The following SECTM1 variants were observed in gnomAD, a reference collection of about 807,000 sequenced individuals.
SECTM1 encodes secreted and transmembrane 1.
A neutral mutation model predicts 18.1 loss-of-function variants in SECTM1; 10 were observed. The observed-to-expected ratio is 0.55, with a 90% CI of 0.34 to 0.94. The LOEUF is 0.94. Among genes scored for constraint, SECTM1 ranks in the 40% least tolerant of loss-of-function variants. SECTM1 has a pLI of 0.02. For synonymous variants in SECTM1, 137 were observed against 139.2 expected (o/e 0.98, Z 0.11); for missense variants, 297 against 322.6 (o/e 0.92, Z 0.61).
chr17:82,332,785 C>T (rs955907659), intron 1 of SECTM1, among the ~76,000 whole-genome samples: 3 of 152,206 alleles, frequency 2.0e-5, no homozygotes, highest in African/African-American at 7.2e-5. Flanking sequence ...GTCCCCTCTG[C>T]TGGTGGCCTC....
chr17:82,323,821 G>C (rs2052120225), intron 3 of SECTM1, among the ~76,000 whole-genome samples: 2 of 151,838 alleles, frequency 1.3e-5, no homozygotes, highest in Non-Finnish European at 2.9e-5. Flanking sequence ...CCTGTGTCGG[G>C]GGAGCTGAGG....
chr17:82,325,319 GC>G lies in SECTM1; in HGVS notation c.95-430del, dbSNP rs1240986678. 3.9e-5 allele frequency among the ~76,000 whole-genome samples: 6 copies of G among 152,304 alleles called. No individual in the cohort carries two copies. The highest frequency in any genetic ancestry group is 8.8e-5 in the Non-Finnish European group (6 of 68,020). The stretch of plus-strand genomic sequence containing the variant: ...TGGGAAGCAGTGGCCAGGCCCCACC[GC>G]CCCCAGCTCCCTCCTGTTTCTCCAA... On this transcript the variant is annotated intron_variant, in intron 2 of 4. Transcript: ENST00000269389. This position sits in a 1 kb window ranked among gnomAD's most constrained non-coding sequence, Gnocchi z 7.6.
chr17:82,332,989 A>C (rs1443005266), intron 1 of SECTM1, among the ~76,000 whole-genome samples: 1 of 152,226 alleles, frequency 6.6e-6, no homozygotes, highest in Non-Finnish European at 1.5e-5. Context: ...AGTAGTGGGC[A>C]AGGAACTGAA....
Position 82,327,261 on chromosome 17 carries a change from C to T in SECTM1, c.-21G>A, listed in dbSNP as rs2052154930. 1 of 1,584,522 alleles carries T rather than the reference C, an allele frequency of 6.3e-7. No homozygotes were observed. Among genetic ancestry groups the T allele is most frequent in the Non-Finnish European group, 8.6e-7 (1 of 1,163,098 alleles). Reference sequence around the variant, plus strand: ...TGCATGGCTGGTGGGACTTGGGCCCCTGGTCCTTGTCACTGGCTCTTGAAA... The same window carrying T: ...TGCATGGCTGGTGGGACTTGGGCCCTTGGTCCTTGTCACTGGCTCTTGAAA... On this transcript the variant is annotated 5_prime_UTR_variant, in exon 2 of 5. Coordinates refer to ENST00000269389, the MANE Select transcript of SECTM1 (RefSeq NM_003004.3).
At chr17:82,327,351 G>A (rs2052155523) in intron 1 of SECTM1, 59 bp from the exon 2 acceptor site, 2 of 999,720 alleles carry the variant, frequency 2.0e-6, no homozygotes, top group African/African-American at 3.3e-5. Context: ...GGGACAGCGG[G>A]AGCGGCTGTC....
rs762843466 is a variant in SECTM1, at chr17:82,327,176, A to C, written c.65T>G (p.Leu22Trp). 6.2e-7 allele frequency: 1 copy of C among 1,611,680 alleles called. No individual in the cohort carries two copies. Among genetic ancestry groups the C allele is most frequent in the Non-Finnish European group, 8.5e-7 (1 of 1,178,882 alleles). Residue 22 changes from leucine (L) to tryptophan (W), a missense_variant, in exon 2 of 5, where the codon TTG becomes TGG. By Grantham distance (61) the Leu-to-Trp change is moderately conservative. Transcript: ENST00000269389. ...ATTCTGAGCACTCAAGGAGGCAGCC[A>C]AAAACAGGAGGGTCCCAAGGGCCTG... ...VSQALGTLLF[L>W]AASLSAQNEG... is the part of the protein sequence containing the mutation.
chr17:82,323,123 G>T, intron 3 of SECTM1, 112 bp from the exon 4 acceptor site: 1 of 1,288,210 alleles, frequency 7.8e-7, no homozygotes. Flanking sequence ...GTGAGAATGA[G>T]CCTTGGAAGA....
chr17:82,323,140 C>T (rs900699288), intron 3 of SECTM1, 129 bp from the exon 4 acceptor site: 40 of 1,139,356 alleles, frequency 3.5e-5, no homozygotes, highest in Non-Finnish European at 4.7e-5. Flanking sequence ...AAGACGGCAC[C>T]GCCGTTGCCC....
intron 1 of SECTM1, among the ~76,000 whole-genome samples, chr17:82,332,158 A>C (rs1273214996): frequency 1.3e-5 from 2 of 152,210 alleles, no homozygotes; most frequent in Non-Finnish European, 2.9e-5. Context: ...AAACAAAACA[A>C]AAAACAAACT....
intron 4 of SECTM1, 113 bp downstream of exon 4, chr17:82,322,765 C>T: frequency 7.5e-7 from 1 of 1,330,438 alleles, no homozygotes; most frequent in Non-Finnish European, 1.0e-6. Context: ...CGGTGCTCCC[C>T]CCACCCTCTC....
intron 1 of SECTM1, 81 bp from the exon 2 acceptor site, chr17:82,327,373 G>T (rs893076481): frequency 5.8e-5 from 45 of 769,294 alleles, no homozygotes; most frequent in Admixed American, 1.7e-4. Context: ...CCTGGCGGGG[G>T]CTGGGAGGCT....
In SECTM1 at chr17:82,325,550, C is replaced by CAGCTCCACAGTCCTGGG. The variant is rs1159286047; in HGVS notation, c.95-677_95-661dup. Among the ~76,000 whole-genome samples, 8 of 152,256 alleles carry CAGCTCCACAGTCCTGGG rather than the reference C, an allele frequency of 5.3e-5. No homozygotes were observed. Among genetic ancestry groups the CAGCTCCACAGTCCTGGG allele is most frequent in the African/African-American group, 1.9e-4 (8 of 41,468 alleles). On this transcript the variant is annotated intron_variant, in intron 2 of 4. Coordinates refer to ENST00000269389, the MANE Select transcript of SECTM1 (RefSeq NM_003004.3). The surrounding 1 kb of genome is among the most constrained non-coding windows in gnomAD (Gnocchi z 7.6). ...CAGGTTGCTGGGCCAGCTCCATACA[C>CAGCTCCACAGTCCTGGG]AGCTCCACAGTCCTGGGAGGTCAAG...
At position 82,325,779 on chromosome 17, in the gene SECTM1, C is replaced by T. The variant is rs140568450; in HGVS notation, c.95-889G>A. Among the ~76,000 whole-genome samples, 2 of 152,354 alleles carry T rather than the reference C, an allele frequency of 1.3e-5. No homozygotes were observed. Among genetic ancestry groups the T allele is most frequent in the East Asian group, 3.9e-4 (2 of 5,186 alleles). On this transcript the variant is annotated intron_variant, in intron 2 of 4. Transcript: ENST00000269389. This position sits in a 1 kb window ranked among gnomAD's most constrained non-coding sequence, Gnocchi z 7.6. ...GGTGCTGCTACTGTCCCTGCTGCGT[C>T]AGCGTCCACCAGTGACTGGACACGG...
At position 82,324,761 on chromosome 17, in the gene SECTM1, C is replaced by G. The variant is rs770248721; in HGVS notation, c.224G>C (p.Ser75Thr). The G allele has an allele frequency of 4.3e-6, 7 of 1,614,018 alleles. No homozygotes were observed. In the African/African-American group the frequency reaches 6.7e-5, roughly 15 times the overall value. Residue 75 changes from serine to threonine, a missense_variant, in exon 3 of 5, where the codon AGC (serine) becomes ACC (threonine). By Grantham distance (58) the Ser-to-Thr change is moderately conservative (BLOSUM62 1). Coordinates refer to ENST00000269389, the MANE Select transcript of SECTM1 (RefSeq NM_003004.3). ...NIKLRAHGQE[S>T]AIFNEVAPGY... ...TGGAGCCACCTCATTGAAGATGGCG[C>G]TCTCCTGCCCGTGGGCACGCAGCTT...
At chr17:82,332,360 T>C (rs1016766115) in intron 1 of SECTM1, among the ~76,000 whole-genome samples, 10 of 152,176 alleles carry the variant, frequency 6.6e-5, no homozygotes, top group African/African-American at 2.2e-4. Flanking sequence ...CGCCTGCGCA[T>C]GCCTGTTCCC....
rs928263711 is a variant in SECTM1, at chr17:82,321,687, G to C, written c.*474C>G. The C allele has an allele frequency of 6.5e-6, 1 of 154,896 alleles. No individual in the cohort carries two copies. Among genetic ancestry groups the C allele is most frequent in the Non-Finnish European group, 1.4e-5 (1 of 69,546 alleles). 9.6% of individuals were successfully genotyped at this position (154,896 alleles called of 1,614,324 possible). ...CTACCTCGGCCCCCGGGGCTGCCGC[G>C]GAAGGGCCCCCAAAGCCTGCTCATA... On this transcript the variant is annotated 3_prime_UTR_variant, in exon 5 of 5. Transcript: ENST00000269389.
In SECTM1 at chr17:82,326,106, G is replaced by A. The variant is rs1024856844; in HGVS notation, c.94+1041C>T. Among the ~76,000 whole-genome samples the A allele has an allele frequency of 9.2e-5, 14 of 152,244 alleles. 1 individual carries two copies. The highest frequency in any genetic ancestry group is 2.4e-4 in the African/African-American group (10 of 41,460). On this transcript the variant is annotated intron_variant, in intron 2 of 4. Coordinates refer to ENST00000269389, the MANE Select transcript of SECTM1 (RefSeq NM_003004.3). The surrounding 1 kb of genome is among the most constrained non-coding windows in gnomAD (Gnocchi z 4.3). ...AAATTCACACCGTCCCGAGGGCAGCGGGCGGCTGTCCAGGGGGTGCCCCAG... is the reference window on the plus strand; with the variant it reads ...AAATTCACACCGTCCCGAGGGCAGCAGGCGGCTGTCCAGGGGGTGCCCCAG...
Position 82,322,105 on chromosome 17 carries a change from A to ACCCAAGGT in SECTM1, c.*48_*55dup. 6.4e-7 allele frequency: 1 copy of ACCCAAGGT among 1,574,000 alleles called. No individual in the cohort carries two copies. The highest frequency in any genetic ancestry group is 1.1e-5 in the South Asian group (1 of 90,180). ...TGGGACGAGAGACCCAGGCCCCGCCACCCAAGGTCGGCACTCAGGGCTGGC... is the reference window on the plus strand; with the variant it reads ...TGGGACGAGAGACCCAGGCCCCGCCACCCAAGGTCCCAAGGTCGGCACTCAGGGCTGGC... On this transcript the variant is annotated 3_prime_UTR_variant, in exon 5 of 5. Coordinates refer to ENST00000269389, the MANE Select transcript of SECTM1 (RefSeq NM_003004.3).
At chr17:82,323,596 G>C (rs4789684) in intron 3 of SECTM1, among the ~76,000 whole-genome samples, 2 of 151,070 alleles carry the variant, frequency 1.3e-5, no homozygotes, top group African/African-American at 4.9e-5. Flanking sequence ...CAGTGGCCCC[G>C]CACGGTGGGG....
Sources: allele counts gnomAD v4.1 joint callset (sites outside exome capture counted in the v4.1 genomes callset), GRCh38; gene constraint gnomAD v4.1.1; non-coding constraint Gnocchi (gnomAD v3.1); transcripts MANE v1.5; gene names NCBI Gene and HGNC (gene_info 2026-07-23, HGNC 2026-07-21).